MRPS30: variants seen among roughly 807,000 people sequenced by gnomAD.
The protein encoded by MRPS30 is mitochondrial ribosomal protein S30.
MRPS30 carries 42 observed loss-of-function variants against 43.8 expected under a neutral mutation model. That is an observed-to-expected ratio of 0.96 (90% confidence interval 0.75 to 1.24). The LOEUF (loss-of-function observed/expected upper bound fraction) is 1.24. Ranked by LOEUF, MRPS30 falls within the 50% of genes most tolerant of loss-of-function variation. The pLI is 0.00. For synonymous variants in MRPS30, 273 were observed against 228.2 expected (o/e 1.20, Z -1.77); for missense variants, 638 against 570.0 (o/e 1.12, Z -1.22).
intron 1 of MRPS30, 75 bp downstream of exon 1, chr5:44,809,638 C>T (rs930394240): frequency 3.6e-6 from 5 of 1,393,258 alleles, no homozygotes; most frequent in Non-Finnish European, 4.9e-6. Flanking sequence ...GCAGATTTAC[C>T]CCTCGTCATT....
At chr5:44,809,787 C>A (rs932661064) in intron 1 of MRPS30, 17 of 533,922 alleles carry the variant, frequency 3.2e-5, no homozygotes, top group Non-Finnish European at 5.2e-5. Context: ...CTCTTCAACT[C>A]TGAAAGCCTG....
chr5:44,814,061 G>C (rs1742883752), intron 4 of MRPS30, among the ~76,000 whole-genome samples: 2 of 152,190 alleles, frequency 1.3e-5, no homozygotes, highest in Non-Finnish European at 2.9e-5. Flanking sequence ...AAAAGTCCCT[G>C]AGGTGGGAAC....
intron 4 of MRPS30, 137 bp from the exon 5 acceptor site, chr5:44,814,776 T>C: frequency 1.3e-6 from 1 of 749,866 alleles, no homozygotes; most frequent in Non-Finnish European, 2.2e-6. Flanking sequence ...AAGGAAACTT[T>C]GAGGTCTTCA....
chr5:44,813,109 C>T lies in MRPS30; in HGVS notation c.857C>T (p.Ser286Leu), dbSNP rs1742869020. The T allele has an allele frequency of 1.2e-6, 2 of 1,610,496 alleles. No individual in the cohort carries two copies. The highest frequency in any genetic ancestry group is 2.2e-5 in the East Asian group (1 of 44,764). ...ATGTTTTTATTTTGCTCTTCAGGCT[C>T]AAAAACTGCAGATCCTTGCTGTTAC... ...RQYENHIFVG[S>L]KTADPCCYGH... Residue 286 changes from serine (S) to leucine (L), a missense_variant, in exon 4 of 5, where the codon TCA becomes TTA. Physicochemically the swap from Ser to Leu is moderately radical, Grantham distance 145 (BLOSUM62 -2). Coordinates refer to ENST00000507110, the MANE Select transcript of MRPS30 (RefSeq NM_016640.4).
chr5:44,808,992 G>C lies in MRPS30; in HGVS notation c.30G>C (p.Leu10Phe), dbSNP rs756586666. ...CGGCGGCCAGGTGTTGGAGGCCTTT[G>C]CTACGCGGTCCGAGGCTTTCATTGC... is the stretch of plus-strand genomic sequence containing the variant. MAAARCWRP[L>F]LRGPRLSLHT... Residue 10 changes from leucine (L) to phenylalanine (F), a missense_variant, in exon 1 of 5, where the codon TTG becomes TTC. By Grantham distance (22) the Leu-to-Phe change is conservative. Transcript: ENST00000507110. 1.1e-5 allele frequency: 18 copies of C among 1,607,690 alleles called. No homozygotes were observed. Among genetic ancestry groups the C allele is most frequent in the Non-Finnish European group, 1.4e-5 (17 of 1,177,614 alleles).
intron 1 of MRPS30, chr5:44,810,047 G>C (rs1240735305): frequency 6.5e-6 from 1 of 154,342 alleles, no homozygotes; most frequent in Non-Finnish European, 1.4e-5. Flanking sequence ...CGCGTTTTAC[G>C]GTAGTAGTTC....
chr5:44,812,418 T>C (rs1448058028), intron 3 of MRPS30, among the ~76,000 whole-genome samples: 1 of 152,178 alleles, frequency 6.6e-6, no homozygotes, highest in Non-Finnish European at 1.5e-5. Context: ...TAATGTCTGA[T>C]GTCTGCCCTC....
rs1324627988 is a variant in MRPS30 at position 44,811,263 on chromosome 5, C to T, written c.747+109C>T. On this transcript the variant is annotated intron_variant, in intron 2 of 4. Transcript: ENST00000507110. ...TAAAATGTTTCAGGTGGATCTCTTG[C>T]CTTTCAAGTTTCCTTTTTGAAGACA... The T allele has an allele frequency of 3.1e-6, 4 of 1,297,502 alleles. No individual in the cohort carries two copies. In the South Asian group the frequency reaches 6.2e-5, roughly 20 times the overall value. The allele number at this position is 1,297,502 out of a possible 1,614,324, so 80.4% of individuals were successfully genotyped here.
Position 44,811,257 on chromosome 5 carries a change from C to G in MRPS30, c.747+103C>G. On this transcript the variant is annotated intron_variant, in intron 2 of 4. Coordinates refer to ENST00000507110, the MANE Select transcript of MRPS30 (RefSeq NM_016640.4). ...GTAGAATAAAATGTTTCAGGTGGAT[C>G]TCTTGCCTTTCAAGTTTCCTTTTTG... 3.0e-6 allele frequency: 4 copies of G among 1,336,482 alleles called. No homozygotes were observed. In the Admixed American group the frequency reaches 9.3e-5, roughly 31 times the overall value. The allele number at this position is 1,336,482 out of a possible 1,614,324, so 82.8% of individuals were successfully genotyped here.
Position 44,811,993 on chromosome 5 carries a change from C to G in MRPS30, c.826C>G (p.Arg276Gly), listed in dbSNP as rs61753790. The G allele has an allele frequency of 2.5e-6, 4 of 1,599,882 alleles. No homozygotes were observed. Among genetic ancestry groups the G allele is most frequent in the Non-Finnish European group, 2.6e-6 (3 of 1,170,542 alleles). Residue 276 changes from arginine to glycine, a missense_variant, in exon 3 of 5, where the codon CGG (arginine) becomes GGG (glycine). By Grantham distance (125) the Arg-to-Gly change is moderately radical. Coordinates refer to ENST00000507110, the MANE Select transcript of MRPS30 (RefSeq NM_016640.4). ...CKPDKLPLFKRQYENHIFVGS... is the reference protein window; with the variant it reads ...CKPDKLPLFKGQYENHIFVGS... ...ACCAGACAAACTTCCATTATTCAAACGGCAGTATGAAAACCACATATTTGT... is the reference window on the plus strand; with the variant it reads ...ACCAGACAAACTTCCATTATTCAAAGGGCAGTATGAAAACCACATATTTGT...
intron 3 of MRPS30, 114 bp downstream of exon 3, chr5:44,812,134 G>C: frequency 1.7e-6 from 1 of 587,044 alleles, no homozygotes; most frequent in East Asian, 3.0e-5. Flanking sequence ...GGTTTACATA[G>C]TCTATGAGCA....
At chr5:44,810,892 C>G (rs979049680) in intron 1 of MRPS30, 117 bp from the exon 2 acceptor site, 2 of 874,306 alleles carry the variant, frequency 2.3e-6, no homozygotes, top group Non-Finnish European at 3.5e-6. Flanking sequence ...AACCCAGACT[C>G]TTACCTCAAT....
intron 4 of MRPS30, among the ~76,000 whole-genome samples, chr5:44,813,830 T>C (rs1046992052): frequency 6.6e-5 from 10 of 152,176 alleles, no homozygotes; most frequent in Non-Finnish European, 1.3e-4. Context: ...AAGCATGTAA[T>C]GTTTATAACT....
chr5:44,810,154 T>C (rs1742814115), intron 1 of MRPS30, among the ~76,000 whole-genome samples: 1 of 152,180 alleles, frequency 6.6e-6, no homozygotes, highest in African/African-American at 2.4e-5. Context: ...AAATTTTATA[T>C]GTGCCAACTT....
rs1246990574 is a variant in MRPS30, at chr5:44,811,889, TA to T, written c.748-25del. On this transcript the variant is annotated intron_variant, in intron 2 of 4. Coordinates refer to ENST00000507110, the MANE Select transcript of MRPS30 (RefSeq NM_016640.4). The stretch of plus-strand genomic sequence containing the variant: ...ATACATACTAATGTTGCTGTGAATT[TA>T]GTATGTCTTTTCTTTTTCTTTAAGT... The T allele has an allele frequency of 6.7e-6, 9 of 1,352,716 alleles. No individual in the cohort carries two copies. The African/African-American group carries it at 1.4e-4, about 20-fold the overall frequency. 83.8% of individuals were successfully genotyped at this position (1,352,716 alleles called of 1,614,324 possible). A position where few individuals can be genotyped will look rare whatever the true frequency, so the allele number is the denominator to read the frequency against.
At position 44,813,275 on chromosome 5, in the gene MRPS30, G is replaced by T. The variant is rs1461474030; in HGVS notation, c.1023G>T (p.Met341Ile). 6.3e-7 allele frequency: 1 copy of T among 1,575,890 alleles called. No homozygotes were observed. Among genetic ancestry groups the T allele is most frequent in the South Asian group, 1.2e-5 (1 of 83,546 alleles). ...TTGCTTGGACTGGAGCACAAGCTAT[G>T]TATCAAGGTAAAAATTAATTTTATA... ...SLFAWTGAQAMYQGFWSEADV... is the reference protein window; with the variant it reads ...SLFAWTGAQAIYQGFWSEADV... Residue 341 changes from methionine to isoleucine, a missense_variant, in exon 4 of 5, where the codon ATG becomes ATT. Met to Ile is a conservative substitution (Grantham distance 10). Transcript: ENST00000507110.
chr5:44,814,815 T>C lies in MRPS30; in HGVS notation c.1031-98T>C. ...ATTTTGTTACATAAAGTATCTAAGTTGTAGGAGGTATTTGATACCCTCTAA... is the reference window on the plus strand; with the variant it reads ...ATTTTGTTACATAAAGTATCTAAGTCGTAGGAGGTATTTGATACCCTCTAA... On this transcript the variant is annotated intron_variant, in intron 4 of 4. Coordinates refer to ENST00000507110, the MANE Select transcript of MRPS30 (RefSeq NM_016640.4). 5 of 1,085,638 alleles carry C rather than the reference T, an allele frequency of 4.6e-6. No individual in the cohort carries two copies. In the South Asian group the frequency reaches 8.0e-5, roughly 17 times the overall value. The allele number at this position is 1,085,638 out of a possible 1,614,324, so 67.3% of individuals were successfully genotyped here.
In MRPS30 at chr5:44,809,562, C is replaced by G. The variant is rs747824601; in HGVS notation, c.600C>G (p.Leu200=). The G allele has an allele frequency of 3.8e-6, 6 of 1,590,786 alleles. No homozygotes were observed. The highest frequency in any genetic ancestry group is 5.1e-6 in the Non-Finnish European group (6 of 1,168,982). ...PHNPALAAAA[L]DYRCPVHFYW... ...ACCCGGCCCTGGCCGCTGCCGCCCT[C>G]GGTGAGCCTTGGATTCCGCCCCAGG... is the stretch of plus-strand genomic sequence containing the variant. The change falls in exon 1 of 5, where the codon CTC becomes CTG. Residue 200 remains leucine, a splice_region_variant and synonymous_variant. Coordinates refer to ENST00000507110, the MANE Select transcript of MRPS30 (RefSeq NM_016640.4).
intron 1 of MRPS30, 99 bp from the exon 2 acceptor site, chr5:44,810,909 TA>T: frequency 9.6e-7 from 1 of 1,044,238 alleles, no homozygotes; most frequent in Non-Finnish European, 1.4e-6. Flanking sequence ...CAATCATTCC[TA>T]AGTTATCATT....
Sources: gnomAD v4.1 joint callset for allele counts (sites outside exome capture counted in the v4.1 genomes callset) on GRCh38, gnomAD v4.1.1 for gene constraint, MANE v1.5 for transcripts, NCBI Gene and HGNC (gene_info 2026-07-23, HGNC 2026-07-21) for gene names.